Variants in ASH1L observed in about 807,000 individuals in gnomAD.
ASH1L encodes the protein ASH1 like histone lysine methyltransferase, also known as histone-lysine N-methyltransferase ASH1L.
A neutral mutation model predicts 269.0 loss-of-function variants in ASH1L; 23 were observed. The observed-to-expected ratio is 0.09, with a 90% CI of 0.06 to 0.12. ASH1L has a LOEUF of 0.12. ASH1L is among the 10% of genes least tolerant of loss of function. The pLI is 1.00. For missense variants in ASH1L, 2,912 were observed against 3,567.8 expected (o/e 0.82, Z 4.68); for synonymous variants, 1,187 against 1,253.5 (o/e 0.95, Z 1.12).
At chr1:155,536,582 C>T (rs1302977819) in intron 1 of ASH1L, among the ~76,000 whole-genome samples, 1 of 152,104 alleles carries the variant, frequency 6.6e-6, no homozygotes, top group Non-Finnish European at 1.5e-5. Context: ...TACGCTATGT[C>T]TGTCAAAAGT....
Position 155,562,795 on chromosome 1 carries a change from C to A in ASH1L, c.-742G>T. 1.5e-6 allele frequency: 1 copy of A among 680,684 alleles called. No homozygotes were observed. Among genetic ancestry groups the A allele is most frequent in the Non-Finnish European group, 2.6e-6 (1 of 389,150 alleles). The allele number at this position is 680,684 out of a possible 1,614,324, so 42.2% of individuals were successfully genotyped here. A position where few individuals can be genotyped will look rare whatever the true frequency, so the allele number is the denominator to read the frequency against. Reference sequence around the variant, plus strand: ...CACGCGTACCTTCAACGGCGCAAGCCCAAGCCTCCTCCTCCTCCTCCTCCA... The same window carrying A: ...CACGCGTACCTTCAACGGCGCAAGCACAAGCCTCCTCCTCCTCCTCCTCCA... On this transcript the variant is annotated 5_prime_UTR_variant, in exon 1 of 28. Transcript: ENST00000392403.
intron 5 of ASH1L, among the ~76,000 whole-genome samples, chr1:155,436,490 A>C (rs1662103829): frequency 6.9e-5 from 5 of 72,648 alleles, no homozygotes; most frequent in East Asian, 1.0e-3. Context: ...CCATGCGTGG[A>C]CTTTTTTTTT....
At chr1:155,338,721 G>A (rs1652522296) in intron 26 of ASH1L, among the ~76,000 whole-genome samples, 1 of 152,150 alleles carries the variant, frequency 6.6e-6, no homozygotes, top group South Asian at 2.1e-4. Context: ...ACAACCTTGT[G>A]ATGCCAATAA....
At position 155,370,585 on chromosome 1, in the gene ASH1L, A is replaced by G. The variant is rs1655855854; in HGVS notation, c.6605T>C (p.Met2202Thr). ...DHYCLNLDSG[M>T]VIDSYRMGNE... ...TCCCATGCGGTAACTGTCAATCACC[A>G]TCCCACTATCCAGGTTCAGGCAGTA... Residue 2202 changes from methionine (M) to threonine (T), a missense_variant, in exon 12 of 28, where the codon ATG (methionine) becomes ACG (threonine). Physicochemically the swap from Met to Thr is moderately conservative, Grantham distance 81. Transcript: ENST00000392403. 6.2e-7 allele frequency: 1 copy of G among 1,614,102 alleles called. No individual in the cohort carries two copies. The highest frequency in any genetic ancestry group is 1.7e-5 in the Admixed American group (1 of 59,990).
rs111282740 is a variant in ASH1L, at chr1:155,505,108, G to A, written c.420+15992C>T. 1.7e-4 allele frequency among the ~76,000 whole-genome samples: 26 copies of A among 151,892 alleles called. 1 individual carries two copies. Among genetic ancestry groups the A allele is most frequent in the African/African-American group, 5.8e-4 (24 of 41,416 alleles). On this transcript the variant is annotated intron_variant, in intron 2 of 27. Coordinates refer to ENST00000392403, the MANE Select transcript of ASH1L (RefSeq NM_018489.3). ...AATTCTTTTTGTTTTTTTCCACTGC[G>A]CCCGGCCTCATTATTTATATTTTCT...
chr1:155,348,759 T>G (rs972476500), intron 19 of ASH1L, among the ~76,000 whole-genome samples: 2 of 151,950 alleles, frequency 1.3e-5, no homozygotes, highest in African/African-American at 2.4e-5. Context: ...CAGGCGCCTA[T>G]AATCCCAGCT....
At position 155,521,107 on chromosome 1, in the gene ASH1L, G is replaced by A; in HGVS notation, c.413C>T (p.Ser138Leu). The change falls in exon 2 of 28, where the codon TCA (serine) becomes TTA (leucine). Residue 138 changes from serine (S) to leucine (L), a missense_variant. Physicochemically the swap from Ser to Leu is moderately radical, Grantham distance 145. Transcript: ENST00000392403. ...MTDEKNEHCP[S>L]KRDPSKLYKK... ...GTTAGGAATTCTACTTACTCGTTTT[G>A]AAGGACAGTGTTCATTCTTTTCATC... 1 of 1,588,234 alleles carries A rather than the reference G, an allele frequency of 6.3e-7. No homozygotes were observed. Among genetic ancestry groups the A allele is most frequent in the Non-Finnish European group, 8.5e-7 (1 of 1,170,852 alleles).
intron 3 of ASH1L, among the ~76,000 whole-genome samples, chr1:155,476,834 T>C (rs905849321): frequency 3.9e-5 from 6 of 152,126 alleles, no homozygotes; most frequent in African/African-American, 1.4e-4. Flanking sequence ...ATTACAGGTG[T>C]GAGCCACTGC....
intron 2 of ASH1L, among the ~76,000 whole-genome samples, chr1:155,502,527 T>A (rs974108232): frequency 2.6e-5 from 4 of 152,244 alleles, no homozygotes; most frequent in Non-Finnish European, 4.4e-5. Flanking sequence ...TAAAGCATTT[T>A]CTGTGTTGCT....
chr1:155,557,257 A>G (rs1329839780), intron 1 of ASH1L, among the ~76,000 whole-genome samples: 1 of 151,752 alleles, frequency 6.6e-6, no homozygotes, highest in Non-Finnish European at 1.5e-5. Flanking sequence ...AGAAGTCATT[A>G]TTTTATTTAT....
intron 5 of ASH1L, among the ~76,000 whole-genome samples, chr1:155,421,975 T>C (rs1238374433): frequency 6.6e-6 from 1 of 152,162 alleles, no homozygotes; most frequent in Non-Finnish European, 1.5e-5. Context: ...TTTTTCATCC[T>C]CCCAGACAGA....
chr1:155,562,203 G>C lies in ASH1L; in HGVS notation c.-150C>G. On this transcript the variant is annotated 5_prime_UTR_variant, in exon 1 of 28. Coordinates refer to ENST00000392403, the MANE Select transcript of ASH1L (RefSeq NM_018489.3). ...GAGAGCGATGAGAGTGCAGGGAAGTGGGGAAGAGGGGGTGGCCGCCAGGCT... is the reference window on the plus strand; with the variant it reads ...GAGAGCGATGAGAGTGCAGGGAAGTCGGGAAGAGGGGGTGGCCGCCAGGCT... 6.2e-7 allele frequency: 1 copy of C among 1,608,556 alleles called. No individual in the cohort carries two copies. Among genetic ancestry groups the C allele is most frequent in the Non-Finnish European group, 8.5e-7 (1 of 1,175,526 alleles).
intron 20 of ASH1L, among the ~76,000 whole-genome samples, chr1:155,347,258 G>A (rs1301734213): frequency 6.6e-6 from 1 of 151,878 alleles, no homozygotes; most frequent in African/African-American, 2.4e-5. Context: ...AAATTAGCCG[G>A]GCATGGTGGC....
intron 5 of ASH1L, among the ~76,000 whole-genome samples, chr1:155,432,728 A>G (rs1295387711): frequency 3.3e-5 from 5 of 152,178 alleles, no homozygotes; most frequent in Non-Finnish European, 7.4e-5. Context: ...AGGCTAACCT[A>G]TTCAAAAGCC....
At chr1:155,412,893 T>G (rs964231298) in intron 6 of ASH1L, among the ~76,000 whole-genome samples, 3 of 123,502 alleles carry the variant, frequency 2.4e-5, no homozygotes, top group East Asian at 2.0e-4. Flanking sequence ...CTTCTGTGTG[T>G]TTTTTTTTTT....
At chr1:155,446,691 GGCTCACT>G (rs1208204128) in intron 4 of ASH1L, among the ~76,000 whole-genome samples, 2 of 146,658 alleles carry the variant, frequency 1.4e-5, no homozygotes, top group East Asian at 2.0e-4. Flanking sequence ...GCGCGATCTC[GGCTCACT>G]GCAAGCTCCG....
rs1438250457 is a variant in ASH1L, at chr1:155,482,171, G to A, written c.699C>T (p.Ser233=). The A allele has an allele frequency of 1.9e-6, 3 of 1,613,988 alleles. No homozygotes were observed. The Admixed American group carries it at 5.0e-5, about 27-fold the overall frequency. ...TTCCTAACTTCTTCGGTTTTGTCTT[G>A]GAAGACTTGGAAGGAGGACAGGTAG... ...LIATCPPSKS[S]KTKPKKLGTG... The change falls in exon 3 of 28, where the codon TCC becomes TCT. Residue 233 remains serine (S), a synonymous_variant. Transcript: ENST00000392403.
intron 7 of ASH1L, among the ~76,000 whole-genome samples, chr1:155,383,308 T>C (rs916096189): frequency 2.0e-5 from 3 of 152,244 alleles, no homozygotes; most frequent in East Asian, 1.9e-4. Flanking sequence ...AGTGATGTCC[T>C]AGGCCTTCAC....
intron 1 of ASH1L, among the ~76,000 whole-genome samples, chr1:155,534,831 A>C (rs893675244): frequency 2.0e-5 from 3 of 152,310 alleles, no homozygotes; most frequent in Non-Finnish European, 4.4e-5. Context: ...CTTTTTAGAT[A>C]AGTAAACCTA....
Sources: gnomAD v4.1 joint callset for allele counts (sites outside exome capture counted in the v4.1 genomes callset) on GRCh38, gnomAD v4.1.1 for gene constraint, MANE v1.5 for transcripts, NCBI Gene and HGNC (gene_info 2026-07-23, HGNC 2026-07-21) for gene names.